NUP62CL: variants seen among roughly 807,000 people sequenced by gnomAD.
NUP62CL encodes nucleoporin 62 C-terminal like, also known as nucleoporin-62 C-terminal-like protein.
NUP62CL carries 13 observed loss-of-function variants against 15.3 expected under a neutral mutation model. The ratio of observed to expected loss-of-function variants is 0.85; its 90% CI spans 0.55 to 1.35. The LOEUF is 1.35. Among genes scored for constraint, NUP62CL ranks in the 40% most tolerant of loss-of-function variants. The probability of loss-of-function intolerance (pLI) is 0.00; values close to 1 mark genes in which losing one functional copy is unlikely to be tolerated. For synonymous variants in NUP62CL, 54 were observed against 49.2 expected (o/e 1.10, Z -0.41); for missense variants, 123 against 130.6 (o/e 0.94, Z 0.28).
At chrX:107,141,357 T>C (rs769460585) in intron 8 of NUP62CL, among the ~76,000 whole-genome samples, 7 of 112,314 alleles carry the variant, frequency 6.2e-5, no homozygotes, top group South Asian at 3.7e-4. Context: ...AAGTGGCTAA[T>C]AAACAGTGGA....
At chrX:107,160,309 A>G (rs1926327425) in intron 4 of NUP62CL, among the ~76,000 whole-genome samples, 1 of 106,225 alleles carries the variant, frequency 9.4e-6, no homozygotes, top group Non-Finnish European at 1.9e-5. Flanking sequence ...ACCAAAAAAG[A>G]GCCCGCATCA....
chrX:107,126,767 C>T (rs1023899943), intron 8 of NUP62CL, among the ~76,000 whole-genome samples: 1 of 112,465 alleles, frequency 8.9e-6, no homozygotes, highest in African/African-American at 3.2e-5. Context: ...GGTGCTGTGC[C>T]TCATGCCTGT....
At chrX:107,166,362 A>ATCACT (rs1926516528) in intron 4 of NUP62CL, among the ~76,000 whole-genome samples, 1 of 112,195 alleles carries the variant, frequency 8.9e-6, no homozygotes, top group South Asian at 3.7e-4. Context: ...ATAATGAGAT[A>ATCACT]TCACTTCACA....
chrX:107,157,146 G>A (rs770941640), intron 4 of NUP62CL, among the ~76,000 whole-genome samples: 1,386 of 110,318 alleles, frequency 0.013, 9 homozygotes, highest in Non-Finnish European at 0.019. Context: ...CCAAATCTAC[G>A]TCTGATTGGT....
chrX:107,184,105 T>C (rs1452204424), intron 2 of NUP62CL, among the ~76,000 whole-genome samples: 1 of 108,804 alleles, frequency 9.2e-6, no homozygotes, highest in African/African-American at 3.4e-5. Context: ...ACCAGAACAA[T>C]GTCAAATAAA....
At chrX:107,154,009 G>T (rs1351961142) in intron 5 of NUP62CL, 87 bp downstream of exon 5, 2 of 922,014 alleles carry the variant, frequency 2.2e-6, no homozygotes, top group South Asian at 2.7e-5. Context: ...CAACAACAAA[G>T]AAAACCACAA....
chrX:107,204,853 AATAAATTTTAAATAAATTATT>A (rs1927619123), intron 1 of NUP62CL, among the ~76,000 whole-genome samples: 1 of 81,871 alleles, frequency 1.2e-5, no homozygotes, highest in Admixed American at 1.3e-4. Flanking sequence ...TATTTATTTA[AATAAATTTTAAATAAATTATT>A]TAAATAAATT....
At chrX:107,198,349 G>C (rs1360722274) in intron 1 of NUP62CL, among the ~76,000 whole-genome samples, 1 of 111,886 alleles carries the variant, frequency 8.9e-6, no homozygotes, top group Non-Finnish European at 1.9e-5. Context: ...CAGGATGTGG[G>C]TGGGGCCAAA....
intron 7 of NUP62CL, among the ~76,000 whole-genome samples, chrX:107,148,927 T>C (rs1165091632): frequency 8.9e-6 from 1 of 111,877 alleles, no homozygotes; most frequent in Non-Finnish European, 1.9e-5. Context: ...TACAGGAATA[T>C]TATTGTTCAG....
rs188471353 is a variant in NUP62CL at position 107,206,315 on chromosome X, A to T, written c.-134T>A. ...GCCGCTCGCTGTCCGGCCCTGAACTATACGGGCAGGCCTCCGAGACTGCTA... is the reference window on the plus strand; with the variant it reads ...GCCGCTCGCTGTCCGGCCCTGAACTTTACGGGCAGGCCTCCGAGACTGCTA... On this transcript the variant is annotated 5_prime_UTR_variant, in exon 1 of 9. Coordinates refer to ENST00000372466, the MANE Select transcript of NUP62CL (RefSeq NM_017681.3). 1 of 110,852 alleles carries T rather than the reference A, an allele frequency of 9.0e-6. No homozygotes were observed. Among genetic ancestry groups the T allele is most frequent in the East Asian group, 2.9e-4 (1 of 3,488 alleles). The allele number at this position is 110,852 out of a possible 1,213,427, so 9.1% of individuals were successfully genotyped here.
intron 7 of NUP62CL, among the ~76,000 whole-genome samples, chrX:107,148,861 C>A (rs1925945251): frequency 9.0e-6 from 1 of 111,243 alleles, no homozygotes; most frequent in Non-Finnish European, 1.9e-5. Flanking sequence ...ATTTTTCTAC[C>A]CTAGTATATG....
At chrX:107,173,885 C>A (rs184228446) in intron 3 of NUP62CL, among the ~76,000 whole-genome samples, 1 of 110,030 alleles carries the variant, frequency 9.1e-6, no homozygotes, top group East Asian at 2.9e-4. Flanking sequence ...GGGAGGGGGG[C>A]TATTACAGCT....
At chrX:107,161,869 C>G (rs1926392980) in intron 4 of NUP62CL, among the ~76,000 whole-genome samples, 1 of 73,233 alleles carries the variant, frequency 1.4e-5, no homozygotes, top group South Asian at 6.5e-4. Context: ...CCGAGAAAAC[C>G]CACAACTTGA....
intron 4 of NUP62CL, among the ~76,000 whole-genome samples, chrX:107,164,143 A>C (rs762443295): frequency 8.9e-6 from 1 of 112,064 alleles, no homozygotes; most frequent in Non-Finnish European, 1.9e-5. Context: ...CTAAAATCGT[A>C]CAAAGCATAT....
At chrX:107,155,413 C>T (rs1296868692) in intron 4 of NUP62CL, among the ~76,000 whole-genome samples, 1 of 112,568 alleles carries the variant, frequency 8.9e-6, no homozygotes, top group Non-Finnish European at 1.9e-5. Context: ...TCCACTTCCC[C>T]CTGATCTGGG....
At chrX:107,202,974 CAAAA>C (rs1172117650) in intron 1 of NUP62CL, among the ~76,000 whole-genome samples, 2 of 54,245 alleles carry the variant, frequency 3.7e-5, no homozygotes, top group Non-Finnish European at 3.5e-5. Context: ...CAGACCGTCT[CAAAA>C]AAAAAAAAAA....
chrX:107,131,983 G>A (rs1010526686), intron 8 of NUP62CL: 2 of 1,019,469 alleles, frequency 2.0e-6, no homozygotes, highest in African/African-American at 3.7e-5. Context: ...GGAAGGAGAA[G>A]AAAACATAGG....
intron 7 of NUP62CL, among the ~76,000 whole-genome samples, chrX:107,152,958 C>T (rs969691039): frequency 3.6e-5 from 4 of 111,896 alleles, no homozygotes; most frequent in Admixed American, 9.5e-5. Flanking sequence ...TGCTATAAAA[C>T]AAAATTGCCA....
At chrX:107,163,136 T>C (rs1355287643) in intron 4 of NUP62CL, among the ~76,000 whole-genome samples, 1 of 111,608 alleles carries the variant, frequency 9.0e-6, no homozygotes, top group African/African-American at 3.3e-5. Context: ...TCTCAGATCA[T>C]TTGATGGCTG....
Sources: allele counts gnomAD v4.1 joint callset (sites outside exome capture counted in the v4.1 genomes callset), GRCh38; gene constraint gnomAD v4.1.1; transcripts MANE v1.5; gene names NCBI Gene and HGNC (gene_info 2026-07-23, HGNC 2026-07-21).